Variants in NAPA observed in about 807,000 individuals in gnomAD.
NAPA encodes the protein NSF attachment protein alpha.
NAPA carries 18 observed loss-of-function variants against 48.0 expected under a neutral mutation model. The observed-to-expected ratio is 0.38, with a 90% CI of 0.26 to 0.56. The LOEUF (loss-of-function observed/expected upper bound fraction) is 0.56. Ranked by LOEUF, NAPA falls within the 20% of genes least tolerant of loss-of-function variation. NAPA has a pLI of 0.77. For missense variants in NAPA, 315 were observed against 385.0 expected (o/e 0.82, Z 1.52); for synonymous variants, 152 against 149.9 (o/e 1.01, Z -0.10).
intron 3 of NAPA, among the ~76,000 whole-genome samples, chr19:47,498,154 G>A (rs1335777937): frequency 1.3e-5 from 2 of 152,246 alleles, no homozygotes; most frequent in African/African-American, 4.8e-5. Flanking sequence ...AGGTCCTTCT[G>A]GAGGGAGTCC....
At chr19:47,487,404 C>T (rs1056741307), downstream of NAPA, among the ~76,000 whole-genome samples, 10 of 152,312 alleles carry the variant, frequency 6.6e-5, no homozygotes, top group African/African-American at 2.2e-4. Flanking sequence ...CCCCAAGAAC[C>T]CAGAGAAAGA....
chr19:47,486,234 A>G (rs191672243), downstream of NAPA, among the ~76,000 whole-genome samples: 102 of 152,254 alleles, frequency 6.7e-4, no homozygotes, highest in East Asian at 0.016. Context: ...GCACGCTTGT[A>G]ATCCCAGCTA....
At chr19:47,511,975 C>G (rs1310151483) in intron 1 of NAPA, among the ~76,000 whole-genome samples, 2 of 152,182 alleles carry the variant, frequency 1.3e-5, no homozygotes, top group Non-Finnish European at 2.9e-5. Context: ...TCTTCAGTGC[C>G]TCCTCCAGGC....
chr19:47,501,322 T>C (rs1302180254), intron 2 of NAPA: 1 of 152,296 alleles, frequency 6.6e-6, no homozygotes, highest in East Asian at 1.9e-4. Context: ...AAGGGGCAAC[T>C]GAGATTAAAC....
In NAPA at chr19:47,500,642, C is replaced by A. The variant is rs761367817; in HGVS notation, c.286G>T (p.Asp96Tyr). ...VDAGNAFKKA[D>Y]PQEAINCLMR... ...CCGCAGAGGCCCTCACCTTGGGGGT[C>A]GGCTTTCTTGAATGCGTTGCCAGCG... The change falls in exon 3 of 11, where the codon GAC (aspartate) becomes TAC (tyrosine). Residue 96 changes from aspartate (D) to tyrosine (Y), a missense_variant. Asp to Tyr is a radical substitution (Grantham distance 160). This residue lies in a region of NAPA where 173 missense variants were observed against 213.5 expected (regional missense o/e 0.81). Coordinates refer to ENST00000263354, the MANE Select transcript of NAPA (RefSeq NM_003827.4). 1.2e-6 allele frequency: 2 copies of A among 1,608,238 alleles called. No homozygotes were observed. Among genetic ancestry groups the A allele is most frequent in the Non-Finnish European group, 8.5e-7 (1 of 1,177,212 alleles).
intron 1 of NAPA, among the ~76,000 whole-genome samples, chr19:47,507,685 C>A (rs574086649): frequency 1.2e-4 from 18 of 152,230 alleles, no homozygotes; most frequent in Non-Finnish European, 1.9e-4. Flanking sequence ...TGTAAGCCCA[C>A]CTCCTGCACG....
At chr19:47,502,590 C>T (rs1250645202) in intron 2 of NAPA, among the ~76,000 whole-genome samples, 1 of 152,232 alleles carries the variant, frequency 6.6e-6, no homozygotes, top group African/African-American at 2.4e-5. Flanking sequence ...CAGGTTCCCT[C>T]TCCTCCACAG....
rs780630543 is a variant in NAPA, at chr19:47,490,774, C to T, written c.735+14G>A. 2.5e-6 allele frequency: 4 copies of T among 1,612,184 alleles called. No homozygotes were observed. The Middle Eastern group carries it at 5.0e-4, about 202-fold the overall frequency. On this transcript the variant is annotated intron_variant, in intron 9 of 10. Coordinates refer to ENST00000263354, the MANE Select transcript of NAPA (RefSeq NM_003827.4). ...AGGTTCGGGAAGGGGGAGGCCGGAGCACCCAGCACTTACTTTCATCAACTT... is the reference window on the plus strand; with the variant it reads ...AGGTTCGGGAAGGGGGAGGCCGGAGTACCCAGCACTTACTTTCATCAACTT...
rs1311602099 is a variant in NAPA, at chr19:47,488,071, A to T, written c.*217T>A. ...CACCTATGGGGGCTTAAATAAATGGACAGGGGGCAAGGGATGTAGCGAGAA... is the reference window on the plus strand; with the variant it reads ...CACCTATGGGGGCTTAAATAAATGGTCAGGGGGCAAGGGATGTAGCGAGAA... On this transcript the variant is annotated 3_prime_UTR_variant, in exon 11 of 11. Coordinates refer to ENST00000263354, the MANE Select transcript of NAPA (RefSeq NM_003827.4). 5 of 508,324 alleles carry T rather than the reference A, an allele frequency of 9.8e-6. No individual in the cohort carries two copies. Among genetic ancestry groups the T allele is most frequent in the Non-Finnish European group, 1.8e-5 (5 of 279,420 alleles). 31.5% of individuals were successfully genotyped at this position (508,324 alleles called of 1,614,324 possible).
chr19:47,507,485 G>A (rs1968715175), intron 1 of NAPA, among the ~76,000 whole-genome samples: 1 of 152,156 alleles, frequency 6.6e-6, no homozygotes, highest in African/African-American at 2.4e-5. Flanking sequence ...AGGACCTCAC[G>A]AGGCAGGGTG....
At chr19:47,492,694 C>A in intron 7 of NAPA, 1 of 618,916 alleles carries the variant, frequency 1.6e-6, no homozygotes, top group Non-Finnish European at 3.0e-6. Flanking sequence ...CAGCCTCACT[C>A]TGGGCCCCTC....
At chr19:47,485,180 T>C (rs1968035295), downstream of NAPA, among the ~76,000 whole-genome samples, 1 of 152,184 alleles carries the variant, frequency 6.6e-6, no homozygotes, top group African/African-American at 2.4e-5. Context: ...ACTGTTACCC[T>C]CCCTGCCGGT....
chr19:47,490,927 A>T, intron 8 of NAPA, 71 bp from the exon 9 acceptor site: 1 of 1,398,236 alleles, frequency 7.2e-7, no homozygotes. Flanking sequence ...CTAGCAGCTG[A>T]GGGGACTTGG....
At chr19:47,504,595 GA>G (rs1284897595) in intron 1 of NAPA, among the ~76,000 whole-genome samples, 5 of 151,508 alleles carry the variant, frequency 3.3e-5, no homozygotes, top group African/African-American at 1.2e-4. Context: ...TGTACTGTCT[GA>G]ATTTTTTTTT....
At chr19:47,501,221 G>T (rs547444606) in intron 2 of NAPA, among the ~76,000 whole-genome samples, 1 of 152,184 alleles carries the variant, frequency 6.6e-6, no homozygotes, top group Non-Finnish European at 1.5e-5. Flanking sequence ...CTCCCCAGGG[G>T]AGCCTCGAAG....
intron 1 of NAPA, chr19:47,512,806 C>T (rs887106207): frequency 6.6e-6 from 1 of 152,318 alleles, no homozygotes; most frequent in Non-Finnish European, 1.5e-5. Context: ...ATTATCCAAC[C>T]TCAAACAAGG....
chr19:47,500,897 G>T (rs959188313), intron 2 of NAPA, 148 bp from the exon 3 acceptor site: 7 of 557,408 alleles, frequency 1.3e-5, no homozygotes, highest in African/African-American at 2.0e-5. Flanking sequence ...AGCGAGCCCA[G>T]ACCGAGGCCT....
chr19:47,495,193 T>C (rs763910298), intron 4 of NAPA: 23 of 316,080 alleles, frequency 7.3e-5, no homozygotes, highest in Non-Finnish European at 1.1e-4. Flanking sequence ...GAGGTCTTGC[T>C]ATGTTGCCCA....
At chr19:47,496,881 C>T in intron 3 of NAPA, 1 of 455,534 alleles carries the variant, frequency 2.2e-6, no homozygotes, top group South Asian at 1.6e-5. Flanking sequence ...AGGTTTTGTC[C>T]AATTCAGAAA....
Sources: allele counts gnomAD v4.1 joint callset (sites outside exome capture counted in the v4.1 genomes callset), GRCh38; gene constraint gnomAD v4.1.1; regional missense constraint gnomAD v4.1.1; transcripts MANE v1.5; gene names NCBI Gene and HGNC (gene_info 2026-07-23, HGNC 2026-07-21).